The following SLC24A3 variants were observed in gnomAD, a reference collection of about 807,000 sequenced individuals.
SLC24A3 encodes the protein sodium/potassium/calcium exchanger 3.
In SLC24A3, 28 loss-of-function variants were observed where a neutral mutation model predicts 75.8. The observed-to-expected ratio is 0.37, with a 90% CI of 0.27 to 0.51. SLC24A3 has a LOEUF of 0.51. Among genes scored for constraint, SLC24A3 ranks in the 20% least tolerant of loss-of-function variants. The pLI is 0.94. For missense variants in SLC24A3, 663 were observed against 847.8 expected, an observed-to-expected ratio of 0.78 and a Z score of 2.71; for synonymous variants, 372 against 334.1, an observed-to-expected ratio of 1.11 and a Z score of -1.24.
chr20:19,325,379 A>C (rs1006867666), intron 2 of SLC24A3, among the ~76,000 whole-genome samples: 1 of 151,822 alleles, frequency 6.6e-6, no homozygotes, highest in African/African-American at 2.4e-5. Context: ...CCAGGAGTTC[A>C]AGGCTGCAAT....
intron 15 of SLC24A3, among the ~76,000 whole-genome samples, chr20:19,711,937 C>T (rs1230236023): frequency 6.6e-6 from 1 of 151,198 alleles, no homozygotes; most frequent in Non-Finnish European, 1.5e-5. Context: ...CGCGCCTGGC[C>T]GCAGATGCTC....
intron 2 of SLC24A3, among the ~76,000 whole-genome samples, chr20:19,366,418 A>G (rs1188461531): frequency 1.3e-5 from 2 of 152,224 alleles, no homozygotes; most frequent in Non-Finnish European, 2.9e-5. Context: ...TACTGAAAGG[A>G]GGCCTCTGAA....
At chr20:19,363,837 A>T (rs1384090630) in intron 2 of SLC24A3, among the ~76,000 whole-genome samples, 1 of 152,184 alleles carries the variant, frequency 6.6e-6, no homozygotes, top group Non-Finnish European at 1.5e-5. Flanking sequence ...TGAAAACAAC[A>T]TGAGGGCCAG....
At chr20:19,294,675 C>G (rs896770649) in intron 2 of SLC24A3, among the ~76,000 whole-genome samples, 3 of 152,154 alleles carry the variant, frequency 2.0e-5, no homozygotes, top group Non-Finnish European at 4.4e-5. Context: ...TTTTCTTTAT[C>G]TAGCCTGTCA....
At chr20:19,520,721 C>A (rs980142967) in intron 3 of SLC24A3, among the ~76,000 whole-genome samples, 3 of 143,486 alleles carry the variant, frequency 2.1e-5, no homozygotes, top group African/African-American at 7.8e-5. Context: ...TTGGTGGTCT[C>A]CCCTGTTCCC....
intron 15 of SLC24A3, among the ~76,000 whole-genome samples, chr20:19,703,982 C>G (rs1460750346): frequency 2.0e-5 from 3 of 152,224 alleles, no homozygotes; most frequent in Non-Finnish European, 4.4e-5. Flanking sequence ...TGCCTGTGTT[C>G]AGCAGTTCTC....
chr20:19,215,037 C>T (rs534495187), intron 1 of SLC24A3, among the ~76,000 whole-genome samples: 1 of 151,936 alleles, frequency 6.6e-6, no homozygotes, highest in East Asian at 1.9e-4. Flanking sequence ...CTTTTTTTTC[C>T]GTTAGGTATT....
At chr20:19,335,029 C>T (rs1985097400) in intron 2 of SLC24A3, among the ~76,000 whole-genome samples, 1 of 152,196 alleles carries the variant, frequency 6.6e-6, no homozygotes, top group Admixed American at 6.5e-5. Flanking sequence ...TGATGATGGA[C>T]ATATTCTCCC....
At chr20:19,416,399 T>C (rs1042697281) in intron 2 of SLC24A3, among the ~76,000 whole-genome samples, 2 of 152,204 alleles carry the variant, frequency 1.3e-5, no homozygotes, top group African/African-American at 4.8e-5. Flanking sequence ...ATTTTTATTT[T>C]ATGGCTCGCC....
At chr20:19,449,213 CG>C (rs1286929996) in intron 2 of SLC24A3, among the ~76,000 whole-genome samples, 1 of 152,180 alleles carries the variant, frequency 6.6e-6, no homozygotes, top group African/African-American at 2.4e-5. Context: ...CTACCACCCC[CG>C]ATCCTTGGTG....
Position 19,646,832 on chromosome 20 carries a change from T to G in SLC24A3, c.613-7230T>G, listed in dbSNP as rs1439594587. Among the ~76,000 whole-genome samples the G allele has an allele frequency of 2.8e-5, 4 of 144,954 alleles. No homozygotes were observed. The East Asian group carries it at 7.8e-4, about 28-fold the overall frequency. ...TGTGATCGGGTTGTACTTTAAAAAT[T>G]ACAAAACTCTGTGTGTGTGCGTGTG... On this transcript the variant is annotated intron_variant, in intron 6 of 16. Coordinates refer to ENST00000328041, the MANE Select transcript of SLC24A3 (RefSeq NM_020689.4).
chr20:19,508,422 T>A (rs1174875427), intron 2 of SLC24A3, among the ~76,000 whole-genome samples: 1 of 152,188 alleles, frequency 6.6e-6, no homozygotes, highest in Non-Finnish European at 1.5e-5. Flanking sequence ...TTTTAGGATG[T>A]GTTGATCTTC....
At position 19,368,162 on chromosome 20, in the gene SLC24A3, T is replaced by G. The variant is rs369515361; in HGVS notation, c.271+87075T>G. ...TAGTTAACATGTTGGGGGCAGTTGG[T>G]GGGACAGAACCTAGAGGGATGTTGG... On this transcript the variant is annotated intron_variant, in intron 2 of 16. Transcript: ENST00000328041. Among the ~76,000 whole-genome samples the G allele has an allele frequency of 6.2e-5, 9 of 145,540 alleles. No individual in the cohort carries two copies. The East Asian group carries it at 1.8e-3, about 29-fold the overall frequency.
chr20:19,593,589 C>G (rs536516475), intron 6 of SLC24A3, among the ~76,000 whole-genome samples: 1 of 152,190 alleles, frequency 6.6e-6, no homozygotes, highest in Admixed American at 6.5e-5. Context: ...CTCAGAGAGG[C>G]TGAGTACTGT....
At chr20:19,667,751 G>C (rs190302185) in intron 8 of SLC24A3, among the ~76,000 whole-genome samples, 1 of 152,174 alleles carries the variant, frequency 6.6e-6, no homozygotes, top group Non-Finnish European at 1.5e-5. Context: ...ATTTCACTCC[G>C]TATCCTCAAA....
At chr20:19,625,419 C>G (rs2031854917) in intron 6 of SLC24A3, among the ~76,000 whole-genome samples, 1 of 152,206 alleles carries the variant, frequency 6.6e-6, no homozygotes, top group Admixed American at 6.5e-5. Flanking sequence ...ACTCCCTATA[C>G]AGTGGGACAT....
chr20:19,449,208 A>AC (rs1420648449), intron 2 of SLC24A3, among the ~76,000 whole-genome samples: 6 of 151,982 alleles, frequency 3.9e-5, no homozygotes, highest in Non-Finnish European at 5.9e-5. Flanking sequence ...GTTCTCTACC[A>AC]CCCCCGATCC....
chr20:19,512,363 G>A (rs2029899526), intron 2 of SLC24A3, among the ~76,000 whole-genome samples: 1 of 152,190 alleles, frequency 6.6e-6, no homozygotes, highest in Admixed American at 6.5e-5. Context: ...TGGGTGGACT[G>A]TCCCGAGCCA....
chr20:19,678,635 CG>C (rs547312298), intron 9 of SLC24A3, among the ~76,000 whole-genome samples: 124 of 100,712 alleles, frequency 1.2e-3, no homozygotes, highest in African/African-American at 5.1e-3. Flanking sequence ...TGGCCCCGGG[CG>C]GGGGGCTGAC....
Sources: gnomAD v4.1 joint callset for allele counts (sites outside exome capture counted in the v4.1 genomes callset) on GRCh38, gnomAD v4.1.1 for gene constraint, MANE v1.5 for transcripts, NCBI Gene and HGNC (gene_info 2026-07-23, HGNC 2026-07-21) for gene names.